The following RGS6 variants were observed in gnomAD, a reference collection of about 807,000 sequenced individuals.
RGS6 encodes the protein regulator of G-protein signaling 6.
In RGS6, 30 loss-of-function variants were observed where a neutral mutation model predicts 78.5. That is an observed-to-expected ratio of 0.38 (90% CI 0.29 to 0.52). The LOEUF (loss-of-function observed/expected upper bound fraction) is 0.52. Ranked by LOEUF, RGS6 falls within the 20% of genes least tolerant of loss-of-function variation. The pLI, the probability that RGS6 is intolerant of heterozygous loss-of-function variation, is 0.85. For synonymous variants in RGS6, 206 were observed against 206.0 expected (o/e 1.00, Z 0.00); for missense variants, 495 against 609.7 (o/e 0.81, Z 1.98).
chr14:71,936,017 T>TAC (rs2089148348), intron 1 of RGS6, among the ~76,000 whole-genome samples: 1 of 114,424 alleles, frequency 8.7e-6, no homozygotes, highest in South Asian at 2.9e-4. Flanking sequence ...ACTAATAGGA[T>TAC]ATATATATAT....
At chr14:72,078,494 A>C (rs992317309) in intron 2 of RGS6, among the ~76,000 whole-genome samples, 1 of 151,712 alleles carries the variant, frequency 6.6e-6, no homozygotes, top group Non-Finnish European at 1.5e-5. Flanking sequence ...GCTCACTGCA[A>C]CCTCCGCCTC....
At chr14:72,626,050 C>A in the RGS6 span, among the ~76,000 whole-genome samples, 1 of 152,172 alleles carries the variant, frequency 6.6e-6, no homozygotes, top group Non-Finnish European at 1.5e-5. Flanking sequence ...TTAGGTTATT[C>A]TTTTCTTCCT....
At chr14:72,121,544 G>T (rs1246761908) in intron 2 of RGS6, among the ~76,000 whole-genome samples, 2 of 152,268 alleles carry the variant, frequency 1.3e-5, no homozygotes. Context: ...ACTGTGCTGT[G>T]CTCTTTGGTA....
At chr14:72,247,090 G>A (rs2054420713) in intron 2 of RGS6, among the ~76,000 whole-genome samples, 3 of 152,144 alleles carry the variant, frequency 2.0e-5, no homozygotes, top group South Asian at 4.1e-4. Context: ...TATTCTAAAA[G>A]CCTAAAATAA....
At chr14:72,578,167 TTC>T in the RGS6 span, among the ~76,000 whole-genome samples, 1 of 152,356 alleles carries the variant, frequency 6.6e-6, no homozygotes, top group African/African-American at 2.4e-5. Context: ...TGAAAGATGC[TTC>T]TTTTACTAAT....
chr14:72,421,118 C>T (rs1351341723), intron 3 of RGS6: 1 of 149,112 alleles, frequency 6.7e-6, no homozygotes, highest in Non-Finnish European at 1.5e-5. Context: ...GATAATCTGT[C>T]TTAAAACTTG....
Position 72,115,068 on chromosome 14 carries a change from T to G in RGS6, c.84+150193T>G, listed in dbSNP as rs2153557604. Among the ~76,000 whole-genome samples, 3 of 152,344 alleles carry G rather than the reference T, an allele frequency of 2.0e-5. No homozygotes were observed. In the South Asian group the frequency reaches 6.2e-4, roughly 32 times the overall value. ...GTTTATCTACATGCTGAAATCTATT[T>G]CCTTCTAATAAGATTCCATCCACTT... On this transcript the variant is annotated intron_variant, in intron 2 of 17. Coordinates refer to ENST00000553525, the MANE Select transcript of RGS6 (RefSeq NM_001204424.2).
chr14:72,500,823 A>G (rs1049339054), intron 13 of RGS6, among the ~76,000 whole-genome samples: 3 of 152,212 alleles, frequency 2.0e-5, no homozygotes, highest in Non-Finnish European at 4.4e-5. Flanking sequence ...AGAGGCCAAC[A>G]AAAACTAAGT....
chr14:72,040,809 C>G (rs2092331010), intron 2 of RGS6, among the ~76,000 whole-genome samples: 2 of 152,094 alleles, frequency 1.3e-5, no homozygotes, highest in South Asian at 2.1e-4. Context: ...GACCTATCTT[C>G]AAATTCATTG....
At chr14:72,473,338 G>A (rs1335246110) in intron 9 of RGS6, among the ~76,000 whole-genome samples, 2 of 152,188 alleles carry the variant, frequency 1.3e-5, no homozygotes, top group Non-Finnish European at 2.9e-5. Context: ...CAGCGACTCG[G>A]GAGGCTGAGG....
intron 2 of RGS6, chr14:72,022,612 T>G (rs911492020): frequency 2.6e-5 from 4 of 152,198 alleles, no homozygotes; most frequent in African/African-American, 9.6e-5. Context: ...GGATTTGAAC[T>G]CAGGTCCAAT....
In RGS6 at chr14:72,123,976, A is replaced by G. The variant is rs148986238; in HGVS notation, c.84+159101A>G. 8.5e-5 allele frequency among the ~76,000 whole-genome samples: 13 copies of G among 152,276 alleles called. No individual in the cohort carries two copies. The East Asian group carries it at 2.5e-3, about 29-fold the overall frequency. On this transcript the variant is annotated intron_variant, in intron 2 of 17. Transcript: ENST00000553525. ...TTCAGTAATGACCTAAATGACCTTA[A>G]AATATCAGTAAGTGACAGAGTATTC...
chr14:72,348,962 C>T lies in RGS6; in HGVS notation c.85-3133C>T, dbSNP rs572381935. On this transcript the variant is annotated intron_variant, in intron 2 of 17. Transcript: ENST00000553525. ...TGGGCAGATCACAAGGTCAGGAGAT[C>T]GAGACCATCCTGGCTAACATGGTGA... 1.2e-4 allele frequency among the ~76,000 whole-genome samples: 18 copies of T among 151,922 alleles called. No individual in the cohort carries two copies. In the South Asian group the frequency reaches 1.5e-3, roughly 12 times the overall value.
chr14:72,398,261 C>A (rs1024641368), intron 3 of RGS6, among the ~76,000 whole-genome samples: 1 of 152,172 alleles, frequency 6.6e-6, no homozygotes, highest in Non-Finnish European at 1.5e-5. Context: ...GATTCAACTT[C>A]TTCCTGGTTT....
At chr14:72,543,874 T>A (rs546393720) in intron 17 of RGS6, among the ~76,000 whole-genome samples, 2 of 152,304 alleles carry the variant, frequency 1.3e-5, no homozygotes, top group South Asian at 4.1e-4. Context: ...TAGCTGGGAT[T>A]ACAGGCACAC....
At chr14:71,999,898 G>C (rs1402852537) in intron 2 of RGS6, among the ~76,000 whole-genome samples, 1 of 151,154 alleles carries the variant, frequency 6.6e-6, no homozygotes, top group Non-Finnish European at 1.5e-5. Context: ...CCCAGTATGA[G>C]GTATTTCTTT....
chr14:72,145,635 C>T (rs753253307), intron 2 of RGS6, among the ~76,000 whole-genome samples: 7 of 152,144 alleles, frequency 4.6e-5, no homozygotes, highest in Non-Finnish European at 1.0e-4. Context: ...TCTGCCACCA[C>T]ACTGGGCTAA....
intron 16 of RGS6, 124 bp from the exon 17 acceptor site, chr14:72,539,917 G>A (rs1316574298): frequency 4.0e-5 from 31 of 765,788 alleles, no homozygotes; most frequent in Non-Finnish European, 6.3e-5. Flanking sequence ...CCCATTTTTC[G>A]CCCCATTTTG....
At chr14:72,271,920 CTTTT>C (rs35019998) in intron 2 of RGS6, among the ~76,000 whole-genome samples, 5 of 132,850 alleles carry the variant, frequency 3.8e-5, no homozygotes, top group African/African-American at 2.7e-5. Context: ...CACAGCATCA[CTTTT>C]TTTTTTTTTT....
Sources: gnomAD v4.1 joint callset for allele counts (sites outside exome capture counted in the v4.1 genomes callset) on GRCh38, gnomAD v4.1.1 for gene constraint, MANE v1.5 for transcripts, NCBI Gene and HGNC (gene_info 2026-07-23, HGNC 2026-07-21) for gene names.